The following PTPRK variants were observed in gnomAD, a reference collection of about 807,000 sequenced individuals.
The protein encoded by PTPRK is protein tyrosine phosphatase receptor type K, also known as receptor-type tyrosine-protein phosphatase kappa.
Under a neutral mutation model 178.0 loss-of-function variants are expected in PTPRK, and 75 were observed. That is an observed-to-expected ratio of 0.42 (90% CI 0.35 to 0.51). PTPRK has a LOEUF of 0.51. PTPRK is among the 20% of genes least tolerant of loss of function. The probability of loss-of-function intolerance (pLI) is 0.02; values close to 1 mark genes in which losing one functional copy is unlikely to be tolerated. For missense variants in PTPRK, 1,441 were observed against 1,797.8 expected, an observed-to-expected ratio of 0.80 and a Z score of 3.59; for synonymous variants, 637 against 620.6, an observed-to-expected ratio of 1.03 and a Z score of -0.39.
At chr6:128,443,103 CA>C (rs1463727607) in intron 1 of PTPRK, among the ~76,000 whole-genome samples, 1 of 150,904 alleles carries the variant, frequency 6.6e-6, no homozygotes, top group African/African-American at 2.4e-5. Context: ...AAACCAAAAA[CA>C]ATAAGATTAA....
At chr6:128,178,323 G>A (rs1393665546) in intron 7 of PTPRK, among the ~76,000 whole-genome samples, 1 of 151,776 alleles carries the variant, frequency 6.6e-6, no homozygotes, top group Non-Finnish European at 1.5e-5. Context: ...TCCTGCGTGT[G>A]GCGATGTGTA....
intron 1 of PTPRK, among the ~76,000 whole-genome samples, chr6:128,417,890 C>T (rs1459828428): frequency 2.0e-5 from 3 of 152,162 alleles, no homozygotes; most frequent in Non-Finnish European, 4.4e-5. Flanking sequence ...TTGGCAACCA[C>T]TTTGTGTGTG....
chr6:128,060,888 T>C (rs1221437459), intron 13 of PTPRK, among the ~76,000 whole-genome samples: 2 of 152,188 alleles, frequency 1.3e-5, no homozygotes, highest in Admixed American at 1.3e-4. Flanking sequence ...AAATTTGTCT[T>C]AACTCACATA....
chr6:128,476,901 C>G (rs996929635), intron 1 of PTPRK, among the ~76,000 whole-genome samples: 17 of 149,420 alleles, frequency 1.1e-4, no homozygotes, highest in Non-Finnish European at 1.5e-5. Context: ...AAAAAAAAAT[C>G]AATCTTGAGA....
intron 7 of PTPRK, among the ~76,000 whole-genome samples, chr6:128,168,158 G>A (rs1320513198): frequency 6.6e-6 from 1 of 152,046 alleles, no homozygotes; most frequent in African/African-American, 2.4e-5. Flanking sequence ...AAACTCTTAG[G>A]AAGTAAATCT....
chr6:128,445,578 T>A (rs1846901425), intron 1 of PTPRK, among the ~76,000 whole-genome samples: 1 of 151,572 alleles, frequency 6.6e-6, no homozygotes, highest in Non-Finnish European at 1.5e-5. Flanking sequence ...TAAAAATGCA[T>A]TAAATGCATG....
At chr6:128,156,843 C>T (rs1264524485) in intron 7 of PTPRK, among the ~76,000 whole-genome samples, 3 of 151,982 alleles carry the variant, frequency 2.0e-5, no homozygotes, top group African/African-American at 7.2e-5. Context: ...ACATGCATGT[C>T]TGTCACACTG....
At chr6:128,014,596 A>G (rs1402258869) in intron 13 of PTPRK, among the ~76,000 whole-genome samples, 1 of 151,708 alleles carries the variant, frequency 6.6e-6, no homozygotes, top group African/African-American at 2.4e-5. Context: ...GAGATAATCT[A>G]GATGTCAGTT....
intron 8 of PTPRK, among the ~76,000 whole-genome samples, chr6:128,085,892 A>C (rs141734762): frequency 4.7e-4 from 71 of 152,356 alleles, no homozygotes; most frequent in Non-Finnish European, 8.1e-4. Flanking sequence ...AGACACACAC[A>C]AACAGGTGAG....
chr6:128,220,193 TAA>T (rs1488525988), intron 5 of PTPRK, among the ~76,000 whole-genome samples: 3 of 152,126 alleles, frequency 2.0e-5, no homozygotes, highest in Non-Finnish European at 4.4e-5. Context: ...CAAATAGTGA[TAA>T]GTCATTTGTC....
At chr6:128,037,018 C>G (rs1267624448) in intron 13 of PTPRK, among the ~76,000 whole-genome samples, 1 of 152,050 alleles carries the variant, frequency 6.6e-6, no homozygotes, top group African/African-American at 2.4e-5. Context: ...AGCCACAAGC[C>G]GCCGCTCCCC....
chr6:128,212,174 A>C (rs1404580667), intron 6 of PTPRK, among the ~76,000 whole-genome samples: 1 of 152,172 alleles, frequency 6.6e-6, no homozygotes, highest in South Asian at 2.1e-4. Flanking sequence ...ATACTCAATA[A>C]TTCTACATTT....
At position 128,455,114 on chromosome 6, in the gene PTPRK, A is replaced by C. The variant is rs147387393; in HGVS notation, c.101-57426T>G. On this transcript the variant is annotated intron_variant, in intron 1 of 29. Coordinates refer to ENST00000368226, the MANE Select transcript of PTPRK (RefSeq NM_002844.4). ...TTCTAGCTCCTAAATGATGTTAATT[A>C]TGTATCAGAAAAATAATAAAACTTA... Among the ~76,000 whole-genome samples, 31 of 152,324 alleles carry C rather than the reference A, an allele frequency of 2.0e-4. No individual in the cohort carries two copies. In the East Asian group the frequency reaches 5.8e-3, roughly 28 times the overall value.
intron 2 of PTPRK, among the ~76,000 whole-genome samples, chr6:128,354,788 A>C (rs1237001029): frequency 6.6e-6 from 1 of 152,208 alleles, no homozygotes; most frequent in African/African-American, 2.4e-5. Flanking sequence ...TAACTTGCTT[A>C]AGATTACACA....
intron 7 of PTPRK, among the ~76,000 whole-genome samples, chr6:128,177,899 A>G (rs1306885042): frequency 2.0e-5 from 3 of 151,810 alleles, no homozygotes; most frequent in Non-Finnish European, 4.4e-5. Flanking sequence ...GTTTAAAAAA[A>G]CACAAACAAC....
At chr6:128,464,295 A>G (rs1474670868) in intron 1 of PTPRK, among the ~76,000 whole-genome samples, 1 of 152,060 alleles carries the variant, frequency 6.6e-6, no homozygotes, top group African/African-American at 2.4e-5. Flanking sequence ...TAGTCTCTAG[A>G]TGGAAAGAAA....
chr6:128,293,379 C>A (rs1823733071), intron 3 of PTPRK, among the ~76,000 whole-genome samples: 1 of 151,848 alleles, frequency 6.6e-6, no homozygotes, highest in Admixed American at 6.6e-5. Flanking sequence ...TGGTGAGTGG[C>A]AAAACAAAAC....
chr6:128,439,623 G>C (rs529817028), intron 1 of PTPRK, among the ~76,000 whole-genome samples: 1 of 152,164 alleles, frequency 6.6e-6, no homozygotes, highest in African/African-American at 2.4e-5. Flanking sequence ...AAAGCCTACC[G>C]ATTACAATGA....
intron 7 of PTPRK, among the ~76,000 whole-genome samples, chr6:128,094,941 G>A (rs531402482): frequency 2.6e-5 from 4 of 152,152 alleles, no homozygotes; most frequent in East Asian, 3.9e-4. Context: ...AGAGGGAAAC[G>A]GAACAGAAAC....
Sources: gnomAD v4.1 joint callset for allele counts (sites outside exome capture counted in the v4.1 genomes callset) on GRCh38, gnomAD v4.1.1 for gene constraint, MANE v1.5 for transcripts, NCBI Gene and HGNC (gene_info 2026-07-23, HGNC 2026-07-21) for gene names.